ATP10B: variants seen among roughly 807,000 people sequenced by gnomAD.
ATP10B encodes the protein phospholipid-transporting ATPase VB.
Under a neutral mutation model 141.2 loss-of-function variants are expected in ATP10B, and 122 were observed. The ratio of observed to expected loss-of-function variants is 0.86; its 90% CI spans 0.75 to 1.00. The LOEUF (loss-of-function observed/expected upper bound fraction) is 1.00, where lower values mean the gene tolerates loss of function less well. ATP10B is among the 50% of genes least tolerant of loss of function. The probability of loss-of-function intolerance (pLI) is 0.00; values close to 1 mark genes in which losing one functional copy is unlikely to be tolerated. For missense variants in ATP10B, 1,876 were observed against 1,825.3 expected (o/e 1.03, Z -0.51); for synonymous variants, 685 against 692.0 (o/e 0.99, Z 0.16).
chr5:160,632,410 C>G (rs761967040), intron 12 of ATP10B, 43 bp from the exon 13 acceptor site: 4 of 1,583,114 alleles, frequency 2.5e-6, no homozygotes, highest in African/African-American at 1.3e-5. Context: ...TGTACCTCGG[C>G]TGGACCATGT....
At chr5:160,883,127 G>A in the ATP10B span, among the ~76,000 whole-genome samples, 1 of 152,192 alleles carries the variant, frequency 6.6e-6, no homozygotes, top group Non-Finnish European at 1.5e-5. Context: ...TTCAGGAAAT[G>A]CATTACTTAC....
Position 160,685,952 on chromosome 5 carries a change from C to A in ATP10B, c.470+127G>T, listed in dbSNP as rs181138181. 4.6e-4 allele frequency: 377 copies of A among 818,976 alleles called. 1 individual carries two copies. The African/African-American group carries it at 6.0e-3, about 13-fold the overall frequency. 50.7% of individuals were successfully genotyped at this position (818,976 alleles called of 1,614,324 possible). A position where few individuals can be genotyped will look rare whatever the true frequency, so the allele number is the denominator to read the frequency against. ...CCCACTAGGGGTCGAAATCACCCCC[C>A]CTTGAGAATCAGTGAATTAAATAAT... On this transcript the variant is annotated intron_variant, in intron 6 of 25. Transcript: ENST00000327245.
chr5:160,626,489 T>C (rs1314610995), intron 13 of ATP10B, among the ~76,000 whole-genome samples: 5 of 152,244 alleles, frequency 3.3e-5, no homozygotes, highest in Non-Finnish European at 5.9e-5. Flanking sequence ...GCGAGGCTCA[T>C]TGAAGTTAAG....
intron 13 of ATP10B, among the ~76,000 whole-genome samples, chr5:160,627,361 T>A (rs1343681175): frequency 6.6e-6 from 1 of 152,220 alleles, no homozygotes; most frequent in African/African-American, 2.4e-5. Flanking sequence ...AGGAGCAATG[T>A]TCTATTAGAC....
At chr5:160,900,921 T>G in the ATP10B span, among the ~76,000 whole-genome samples, 2 of 150,040 alleles carry the variant, frequency 1.3e-5, no homozygotes, top group South Asian at 4.3e-4. Context: ...TTTTTTTTTT[T>G]TTTTTTTTTT....
intron 1 of ATP10B, among the ~76,000 whole-genome samples, chr5:160,811,709 T>C (rs978349549): frequency 4.6e-5 from 7 of 152,138 alleles, no homozygotes; most frequent in Admixed American, 3.9e-4. Context: ...TCTAAGGTTT[T>C]TGACTCCAGT....
chr5:160,685,418 T>A, intron 6 of ATP10B: 1 of 427,290 alleles, frequency 2.3e-6, no homozygotes, highest in Middle Eastern at 5.9e-4. Context: ...TTCCTTCTAC[T>A]TGTTTGAGAC....
At chr5:160,884,297 T>A in the ATP10B span, among the ~76,000 whole-genome samples, 3 of 152,180 alleles carry the variant, frequency 2.0e-5, no homozygotes, top group African/African-American at 7.2e-5. Flanking sequence ...TTTTCACATC[T>A]TCCAGGTAGG....
intron 1 of ATP10B, among the ~76,000 whole-genome samples, chr5:160,848,846 A>C (rs139490737): frequency 2.0e-4 from 30 of 152,316 alleles, no homozygotes; most frequent in African/African-American, 7.0e-4. Context: ...TATCACCTAA[A>C]GTCATCTTTG....
chr5:160,782,907 T>C (rs1770824410), intron 2 of ATP10B, among the ~76,000 whole-genome samples: 1 of 152,146 alleles, frequency 6.6e-6, no homozygotes, highest in South Asian at 2.1e-4. Context: ...TTCATATGTG[T>C]TATGTGTTTA....
intron 24 of ATP10B, among the ~76,000 whole-genome samples, chr5:160,585,253 A>C (rs1391287724): frequency 6.6e-6 from 1 of 152,248 alleles, no homozygotes; most frequent in Non-Finnish European, 1.5e-5. Context: ...GATCTAGAGC[A>C]GATCCTACAA....
intron 2 of ATP10B, among the ~76,000 whole-genome samples, chr5:160,748,604 C>T (rs902099211): frequency 1.8e-4 from 28 of 152,164 alleles, no homozygotes; most frequent in Non-Finnish European, 3.1e-4. Flanking sequence ...AGGGGTGCTT[C>T]AAGGTGCAGG....
At chr5:160,852,438 T>A (rs1753861265), upstream of ATP10B, among the ~76,000 whole-genome samples, 3 of 152,158 alleles carry the variant, frequency 2.0e-5, no homozygotes, top group South Asian at 6.2e-4. Flanking sequence ...TAATTAAGTG[T>A]GAGACAATTA....
intron 7 of ATP10B, among the ~76,000 whole-genome samples, chr5:160,667,811 G>A (rs1404957042): frequency 6.6e-6 from 1 of 152,146 alleles, no homozygotes; most frequent in Non-Finnish European, 1.5e-5. Flanking sequence ...AGAAGTCACT[G>A]GTTGAACTGA....
chr5:160,686,253 A>G lies in ATP10B; in HGVS notation c.296T>C (p.Leu99Pro), dbSNP rs773670858. 18 of 1,599,576 alleles carry G rather than the reference A, an allele frequency of 1.1e-5. No individual in the cohort carries two copies. Among genetic ancestry groups the G allele is most frequent in the East Asian group, 2.2e-5 (1 of 44,578 alleles). Residue 99 changes from leucine to proline, a missense_variant, in exon 6 of 26, where the codon CTG becomes CCG. Coordinates refer to ENST00000327245, the MANE Select transcript of ATP10B (RefSeq NM_025153.3). ...QFHRWANLYFLFLVILNWMPS... is the reference protein window; with the variant it reads ...QFHRWANLYFPFLVILNWMPS... ...CATCCAGTTCAAAATCACCAGGAAC[A>G]GGAAATAGAGGTTAGCCCATCTGGA...
At chr5:160,704,933 T>TTTG (rs1404246860) in intron 3 of ATP10B, among the ~76,000 whole-genome samples, 8 of 142,868 alleles carry the variant, frequency 5.6e-5, no homozygotes, top group South Asian at 2.3e-4. Flanking sequence ...TTTTTTTTTT[T>TTTG]TTGTTGAGAC....
chr5:160,766,215 GGAAAA>G (rs1168500734), intron 2 of ATP10B, among the ~76,000 whole-genome samples: 4 of 151,938 alleles, frequency 2.6e-5, no homozygotes, highest in Non-Finnish European at 4.4e-5. Context: ...TGTGCCCAGA[GGAAAA>G]GAAAAGTCAT....
intron 2 of ATP10B, among the ~76,000 whole-genome samples, chr5:160,760,731 G>A (rs903277056): frequency 6.6e-5 from 10 of 152,262 alleles, no homozygotes; most frequent in African/African-American, 2.2e-4. Context: ...GCTGGGTGAG[G>A]CCTGTCACTG....
chr5:160,631,332 G>T (rs1266600385), intron 13 of ATP10B, among the ~76,000 whole-genome samples: 1 of 152,196 alleles, frequency 6.6e-6, no homozygotes, highest in African/African-American at 2.4e-5. Flanking sequence ...TGACTTCTAA[G>T]AATGCTGTGT....
Sources: gnomAD v4.1 joint callset for allele counts (sites outside exome capture counted in the v4.1 genomes callset) on GRCh38, gnomAD v4.1.1 for gene constraint, MANE v1.5 for transcripts, NCBI Gene and HGNC (gene_info 2026-07-23, HGNC 2026-07-21) for gene names.